The following MAP10 variants were observed in gnomAD, a reference collection of about 807,000 sequenced individuals.
The protein encoded by MAP10 is microtubule-associated protein 10.
A neutral mutation model predicts 6.3 loss-of-function variants in MAP10; 10 were observed. The observed-to-expected ratio is 1.58, with a 90% CI of 0.98 to 2.69. The LOEUF is 2.69. Ranked by LOEUF, MAP10 falls within the 30% of genes most tolerant of loss-of-function variation. The pLI is 0.00. For synonymous variants in MAP10, 459 were observed against 429.3 expected (o/e 1.07, Z -0.86); for missense variants, 1,189 against 1,086.5 (o/e 1.09, Z -1.33).
rs1227313334 is a variant in MAP10 at position 232,806,075 on chromosome 1, C to G, written c.626C>G (p.Pro209Arg). ...TRTGGGAEVS[P>R]QTQQERQQLQ... ...ACAGGAGGAGGAGCGGAGGTCAGTC[C>G]CCAAACCCAGCAGGAAAGACAGCAG... Residue 209 changes from proline (P) to arginine (R), a missense_variant, in exon 1 of 1, where the codon CCC becomes CGC. Transcript: ENST00000418460. 6.2e-7 allele frequency: 1 copy of G among 1,613,962 alleles called. No individual in the cohort carries two copies. The highest frequency in any genetic ancestry group is 2.2e-5 in the East Asian group (1 of 44,880).
In MAP10 at chr1:232,809,353, G is replaced by T. The variant is rs1666161950; in HGVS notation, c.*1186G>T. Among the ~76,000 whole-genome samples the T allele has an allele frequency of 6.6e-6, 1 of 151,772 alleles. No individual in the cohort carries two copies. The highest frequency in any genetic ancestry group is 2.4e-5 in the African/African-American group (1 of 41,340). On this transcript the variant is annotated 3_prime_UTR_variant, in exon 1 of 1. Coordinates refer to ENST00000418460, the MANE Select transcript of MAP10 (RefSeq NM_019090.3). ...TTCTTTAAAGGTAATTAATTATATA[G>T]GTATTCTGAATGATCATAATACTAG...
chr1:232,809,338 GTAATTAA>G lies in MAP10; in HGVS notation c.*1173_*1179del, dbSNP rs1037825504. Among the ~76,000 whole-genome samples, 2 of 151,850 alleles carry G rather than the reference GTAATTAA, an allele frequency of 1.3e-5. No individual in the cohort carries two copies. The highest frequency in any genetic ancestry group is 4.8e-5 in the African/African-American group (2 of 41,356). The stretch of plus-strand genomic sequence containing the variant: ...AGGTTCTAATTTCCTTTCTTTAAAG[GTAATTAA>G]TTATATAGGTATTCTGAATGATCAT... On this transcript the variant is annotated 3_prime_UTR_variant, in exon 1 of 1. Transcript: ENST00000418460.
In MAP10 at chr1:232,807,553, G is replaced by A; in HGVS notation, c.2104G>A (p.Asp702Asn). 1.9e-6 allele frequency: 3 copies of A among 1,612,936 alleles called. No individual in the cohort carries two copies. The highest frequency in any genetic ancestry group is 2.5e-6 in the Non-Finnish European group (3 of 1,179,388). ...AAACATCTCAGAACTGAAGTATTCAGATGATTTGTCTAGCCCTTGCTATTC... is the reference window on the plus strand; with the variant it reads ...AAACATCTCAGAACTGAAGTATTCAAATGATTTGTCTAGCCCTTGCTATTC... ...YENISELKYS[D>N]DLSSPCYSED... The change falls in exon 1 of 1, where the codon GAT (aspartate) becomes AAT (asparagine). Residue 702 changes from aspartate to asparagine, a missense_variant. Coordinates refer to ENST00000418460, the MANE Select transcript of MAP10 (RefSeq NM_019090.3).
Position 232,806,343 on chromosome 1 carries a change from A to G in MAP10, c.894A>G (p.Ile298Met). 1 of 1,613,904 alleles carries G rather than the reference A, an allele frequency of 6.2e-7. No individual in the cohort carries two copies. Among genetic ancestry groups the G allele is most frequent in the Non-Finnish European group, 8.5e-7 (1 of 1,179,888 alleles). The change falls in exon 1 of 1, where the codon ATA becomes ATG. Residue 298 changes from isoleucine (I) to methionine (M), a missense_variant. Physicochemically the swap from Ile to Met is conservative, Grantham distance 10. Transcript: ENST00000418460. The part of the protein sequence containing the change: ...EVTELDMETN[I>M]FCPPPLYYTN... ...CAGAATTGGACATGGAGACCAATAT[A>G]TTTTGCCCTCCTCCTTTGTATTACA...
rs1666162612 is a variant in MAP10 at position 232,809,369 on chromosome 1, A to G, written c.*1202A>G. The stretch of plus-strand genomic sequence containing the variant: ...AATTATATAGGTATTCTGAATGATC[A>G]TAATACTAGAATATAGATAGATGGT... On this transcript the variant is annotated 3_prime_UTR_variant, in exon 1 of 1. Coordinates refer to ENST00000418460, the MANE Select transcript of MAP10 (RefSeq NM_019090.3). Among the ~76,000 whole-genome samples, 1 of 152,066 alleles carries G rather than the reference A, an allele frequency of 6.6e-6. No homozygotes were observed. The highest frequency in any genetic ancestry group is 1.5e-5 in the Non-Finnish European group (1 of 67,920).
rs1261129976 is a variant in MAP10 at position 232,807,308 on chromosome 1, G to A, written c.1859G>A (p.Ser620Asn). ...AATGTTTCATTGGAAGAAGTTGTGA[G>A]TCCTGCAAATTCCATTATTCCAGAA... is the stretch of plus-strand genomic sequence containing the variant. Reference protein sequence around the residue: ...INNVSLEEVVSPANSIIPERL... With the variant: ...INNVSLEEVVNPANSIIPERL... The change falls in exon 1 of 1, where the codon AGT (serine) becomes AAT (asparagine). Residue 620 changes from serine (S) to asparagine (N), a missense_variant. By Grantham distance (46) the Ser-to-Asn change is conservative. Transcript: ENST00000418460. 1.9e-6 allele frequency: 3 copies of A among 1,613,852 alleles called. No homozygotes were observed. Among genetic ancestry groups the A allele is most frequent in the Non-Finnish European group, 2.5e-6 (3 of 1,179,832 alleles).
At position 232,806,548 on chromosome 1, in the gene MAP10, G is replaced by T; in HGVS notation, c.1099G>T (p.Val367Leu). 1 of 1,613,930 alleles carries T rather than the reference G, an allele frequency of 6.2e-7. No individual in the cohort carries two copies. The change falls in exon 1 of 1, where the codon GTA becomes TTA. Residue 367 changes from valine (V) to leucine (L), a missense_variant. By Grantham distance (32) the Val-to-Leu change is conservative. Transcript: ENST00000418460. ...SAAHEHPPMLVNPPHIQNIGA... is the reference protein window; with the variant it reads ...SAAHEHPPMLLNPPHIQNIGA... ...AGCACACGAACATCCTCCAATGCTT[G>T]TAAATCCTCCACATATTCAGAATAT...
rs537946100 is a variant in MAP10 at position 232,805,935 on chromosome 1, C to T, written c.486C>T (p.Phe162=). The change falls in exon 1 of 1, where the codon TTC becomes TTT. Residue 162 remains phenylalanine, a synonymous_variant. Coordinates refer to ENST00000418460, the MANE Select transcript of MAP10 (RefSeq NM_019090.3). ...SGCSHRHRGR[F]PLHNRVGERT... ...GCTCCCACCGTCACCGGGGACGTTTCCCCCTGCATAATCGAGTGGGCGAGC... is the reference window on the plus strand; with the variant it reads ...GCTCCCACCGTCACCGGGGACGTTTTCCCCTGCATAATCGAGTGGGCGAGC... 1.2e-5 allele frequency: 20 copies of T among 1,611,786 alleles called. No homozygotes were observed. Among genetic ancestry groups the T allele is most frequent in the East Asian group, 8.9e-5 (4 of 44,824 alleles).
Position 232,806,753 on chromosome 1 carries a change from C to A in MAP10, c.1304C>A (p.Pro435His). ...WLYRTEDKKS[P>H]ESSAKSTCRS... ...TATAGGACTGAGGATAAGAAGTCAC[C>A]CGAATCTTCTGCCAAATCCACATGC... is the stretch of plus-strand genomic sequence containing the variant. Residue 435 changes from proline to histidine, a missense_variant, in exon 1 of 1, where the codon CCC (proline) becomes CAC (histidine). Physicochemically the swap from Pro to His is moderately conservative, Grantham distance 77 (BLOSUM62 -2). Coordinates refer to ENST00000418460, the MANE Select transcript of MAP10 (RefSeq NM_019090.3). 1 of 1,613,714 alleles carries A rather than the reference C, an allele frequency of 6.2e-7. No individual in the cohort carries two copies.
rs188174412 is a variant in MAP10 at position 232,805,455 on chromosome 1, G to A, written c.6G>A (p.Ala2=). The part of the protein sequence containing the change: M[A]ASLSERLFSL... ...CGTTTCCTGGGGCAACAGCAATGGC[G>A]GCCTCGCTGTCCGAGCGGCTCTTCT... Residue 2 remains alanine (A), a synonymous_variant, in exon 1 of 1, where the codon GCG becomes GCA. Transcript: ENST00000418460. The A allele has an allele frequency of 2.0e-5, 32 of 1,607,612 alleles. No individual in the cohort carries two copies. Among genetic ancestry groups the A allele is most frequent in the African/African-American group, 5.3e-5 (4 of 74,856 alleles).
rs1553342276 is a variant in MAP10, at chr1:232,806,616, T to A, written c.1167T>A (p.Ile389=). ...NQTCQTEQNR[I]NTIRQLPLLN... is the part of the protein sequence containing the mutation. ...CATGTCAAACTGAACAAAATCGAAT[T>A]AATACAATAAGGCAGTTGCCTTTGT... is the stretch of plus-strand genomic sequence containing the variant. The change falls in exon 1 of 1, where the codon ATT becomes ATA. Residue 389 remains isoleucine (I), a synonymous_variant. Transcript: ENST00000418460. 1.2e-6 allele frequency: 2 copies of A among 1,613,856 alleles called. No individual in the cohort carries two copies. The highest frequency in any genetic ancestry group is 1.6e-4 in the Middle Eastern group (1 of 6,062).
rs369867704 is a variant in MAP10 at position 232,807,722 on chromosome 1, G to A, written c.2273G>A (p.Arg758Lys). The A allele has an allele frequency of 6.8e-6, 11 of 1,613,586 alleles. No individual in the cohort carries two copies. The highest frequency in any genetic ancestry group is 1.3e-5 in the African/African-American group (1 of 74,886). ...GVSKKKNSSD[R>K]SSILSPPFSA... is the part of the protein sequence containing the mutation. Reference sequence around the variant, plus strand: ...TCCAAAAAGAAAAATAGTAGTGACAGGAGTTCTATCCTTAGCCCACCTTTT... The same window carrying A: ...TCCAAAAAGAAAAATAGTAGTGACAAGAGTTCTATCCTTAGCCCACCTTTT... Residue 758 changes from arginine (R) to lysine (K), a missense_variant, in exon 1 of 1, where the codon AGG becomes AAG. Arg to Lys is a conservative substitution (Grantham distance 26). Transcript: ENST00000418460.
chr1:232,805,740 C>G lies in MAP10; in HGVS notation c.291C>G (p.Phe97Leu), dbSNP rs768194850. ...IRFGRGKSCL[F>L]RLQPATLHCR... ...TCGGTCGCGGCAAGTCCTGCCTCTT[C>G]CGCCTGCAGCCTGCTACCCTGCACT... The change falls in exon 1 of 1, where the codon TTC becomes TTG. Residue 97 changes from phenylalanine (F) to leucine (L), a missense_variant. Coordinates refer to ENST00000418460, the MANE Select transcript of MAP10 (RefSeq NM_019090.3). 6.2e-7 allele frequency: 1 copy of G among 1,604,870 alleles called. No individual in the cohort carries two copies. Among genetic ancestry groups the G allele is most frequent in the South Asian group, 1.1e-5 (1 of 90,878 alleles).
rs1272834285 is a variant in MAP10 at position 232,807,388 on chromosome 1, C to T, written c.1939C>T (p.Pro647Ser). The T allele has an allele frequency of 6.2e-7, 1 of 1,613,796 alleles. No individual in the cohort carries two copies. The highest frequency in any genetic ancestry group is 1.7e-5 in the Admixed American group (1 of 60,014). The change falls in exon 1 of 1, where the codon CCA becomes TCA. Residue 647 changes from proline (P) to serine (S), a missense_variant. Coordinates refer to ENST00000418460, the MANE Select transcript of MAP10 (RefSeq NM_019090.3). ...GGNVEMKIQS[P>S]CVFQQDAVVD... is the part of the protein sequence containing the mutation. ...AAATGTGGAAATGAAAATCCAAAGT[C>T]CATGTGTTTTCCAACAGGATGCTGT...
rs59165168 is a variant in MAP10, at chr1:232,806,800, A to G, written c.1351A>G (p.Lys451Glu). ...STCRSEAKKD[K>E]RSVGGCEKSV... ...ATGCCGGTCTGAAGCCAAGAAGGAT[A>G]AGCGTTCTGTGGGGGGATGTGAAAA... The change falls in exon 1 of 1, where the codon AAG becomes GAG. Residue 451 changes from lysine to glutamate, a missense_variant. Physicochemically the swap from Lys to Glu is moderately conservative, Grantham distance 56. Transcript: ENST00000418460. 8,358 of 1,613,642 alleles carry G rather than the reference A, an allele frequency of 5.2e-3. 324 individuals carry two copies. The East Asian group carries it at 0.11, about 21-fold the overall frequency.
chr1:232,807,606 C>CA, the MAP10 span: 1 of 1,609,812 alleles, frequency 6.2e-7, no homozygotes, highest in Non-Finnish European at 8.5e-7. Context: ...GTGAGGACAC[C>CA]AGCAGAAGTT....
At position 232,807,292 on chromosome 1, in the gene MAP10, T is replaced by C. The variant is rs773060433; in HGVS notation, c.1843T>C (p.Leu615=). Residue 615 remains leucine (L), a synonymous_variant, in exon 1 of 1, where the codon TTG becomes CTG. Coordinates refer to ENST00000418460, the MANE Select transcript of MAP10 (RefSeq NM_019090.3). Reference sequence around the variant, plus strand: ...TAAAAATAGAATCAATAATGTTTCATTGGAAGAAGTTGTGAGTCCTGCAAA... The same window carrying C: ...TAAAAATAGAATCAATAATGTTTCACTGGAAGAAGTTGTGAGTCCTGCAAA... ...CSKNRINNVS[L]EEVVSPANSI... is the part of the protein sequence containing the mutation. 1.9e-6 allele frequency: 3 copies of C among 1,613,624 alleles called. No individual in the cohort carries two copies. The highest frequency in any genetic ancestry group is 3.3e-5 in the Admixed American group (2 of 59,972).
rs143670284 is a variant in MAP10 at position 232,808,476 on chromosome 1, AAAAG to A, written c.*312_*315del. On this transcript the variant is annotated 3_prime_UTR_variant, in exon 1 of 1. Transcript: ENST00000418460. ...AAGCTGACTTCATGCACACCACTGAAAAAGAAGGCTAGTTAGTAAGGACAGCCTC... is the reference window on the plus strand; with the variant it reads ...AAGCTGACTTCATGCACACCACTGAAAAGGCTAGTTAGTAAGGACAGCCTC... The A allele has an allele frequency of 0.03, 5,951 of 199,944 alleles. 364 individuals are homozygous for A. Among genetic ancestry groups the A allele is most frequent in the African/African-American group, 0.13 (5,525 of 42,954 alleles). 12.4% of individuals were successfully genotyped at this position (199,944 alleles called of 1,614,324 possible).
Position 232,809,109 on chromosome 1 carries a change from G to A in MAP10, c.*942G>A, listed in dbSNP as rs1198567552. Among the ~76,000 whole-genome samples the A allele has an allele frequency of 1.3e-5, 2 of 151,966 alleles. No individual in the cohort carries two copies. Among genetic ancestry groups the A allele is most frequent in the East Asian group, 3.8e-4 (2 of 5,196 alleles). On this transcript the variant is annotated 3_prime_UTR_variant, in exon 1 of 1. Transcript: ENST00000418460. ...TTCTGATATAGGAGTTCAGTTTCTT[G>A]TCATTTCAGTTTGTTCAATGGTTAT...
Sources: allele counts gnomAD v4.1 joint callset (sites outside exome capture counted in the v4.1 genomes callset), GRCh38; gene constraint gnomAD v4.1.1; transcripts MANE v1.5; gene names NCBI Gene and HGNC (gene_info 2026-07-23, HGNC 2026-07-21).